KIRREL3: variants seen among roughly 807,000 people sequenced by gnomAD.
KIRREL3 encodes kin of IRRE-like protein 3.
KIRREL3 carries 36 observed loss-of-function variants against 89.7 expected under a neutral mutation model. The ratio of observed to expected loss-of-function variants is 0.40; its 90% CI spans 0.31 to 0.53. KIRREL3 has a LOEUF of 0.53. Ranked by LOEUF, KIRREL3 falls within the 20% of genes least tolerant of loss-of-function variation. KIRREL3 has a pLI of 0.49. For missense variants in KIRREL3, 864 were observed against 1,056.6 expected, an observed-to-expected ratio of 0.82 and a Z score of 2.53; for synonymous variants, 445 against 441.4, an observed-to-expected ratio of 1.01 and a Z score of -0.10.
rs1216179822 is a variant in KIRREL3, at chr11:126,905,177, T to C, written c.55+95278A>G. ...AGAGGAGGAACGGGGCTTGATTCCA[T>C]GGCTTCCCTACTTGAAGGCAGGGCT... On this transcript the variant is annotated intron_variant, in intron 1 of 16. Transcript: ENST00000525144. The surrounding 1 kb of genome is among the most constrained non-coding windows in gnomAD (Gnocchi z 5.0). Among the ~76,000 whole-genome samples, 1 of 152,148 alleles carries C rather than the reference T, an allele frequency of 6.6e-6. No homozygotes were observed. Among genetic ancestry groups the C allele is most frequent in the Non-Finnish European group, 1.5e-5 (1 of 68,028 alleles).
chr11:126,822,542 T>C (rs980098026), intron 1 of KIRREL3, among the ~76,000 whole-genome samples: 11 of 152,246 alleles, frequency 7.2e-5, no homozygotes, highest in Non-Finnish European at 1.0e-4. Context: ...GCAACTCATA[T>C]AGTATTGAGG....
At chr11:126,806,347 G>A (rs1385006462) in intron 1 of KIRREL3, among the ~76,000 whole-genome samples, 2 of 152,142 alleles carry the variant, frequency 1.3e-5, no homozygotes, top group Non-Finnish European at 2.9e-5. Flanking sequence ...TAGCCTTGGG[G>A]CCCTGGGCTA....
At position 126,656,153 on chromosome 11, in the gene KIRREL3, C is replaced by T; in HGVS notation, c.56-93241G>A. ...TCGGGAACCAGCAACACAGATGTTC[C>T]CAGGAGCAATGTTTGCAGGTGAGTG... On this transcript the variant is annotated intron_variant, in intron 1 of 16. Coordinates refer to ENST00000525144, the MANE Select transcript of KIRREL3 (RefSeq NM_032531.4). The surrounding 1 kb of genome is among the most constrained non-coding windows in gnomAD (Gnocchi z 4.0). The T allele has an allele frequency of 2.2e-6, 1 of 456,048 alleles. No homozygotes were observed. The highest frequency in any genetic ancestry group is 7.0e-5 in the East Asian group (1 of 14,384). 28.3% of individuals were successfully genotyped at this position (456,048 alleles called of 1,614,324 possible).
In KIRREL3 at chr11:126,471,351, C is replaced by G. The variant is rs1165238526; in HGVS notation, c.591+1958G>C. Among the ~76,000 whole-genome samples, 4 of 149,100 alleles carry G rather than the reference C, an allele frequency of 2.7e-5. No individual in the cohort carries two copies. The highest frequency in any genetic ancestry group is 5.9e-5 in the Non-Finnish European group (4 of 67,348). ...CGCCATTGCACTCCAGTCTGGGCAA[C>G]AAGAGTGAAACTCTGTCTCAAAATA... On this transcript the variant is annotated intron_variant, in intron 5 of 16. Transcript: ENST00000525144. The surrounding 1 kb of genome is among the most constrained non-coding windows in gnomAD (Gnocchi z 5.4).
rs1296877819 is a variant in KIRREL3 at position 126,476,441 on chromosome 11, G to A, written c.434-2975C>T. ...CCTTCCTCCTTGTGGCTGGAGTGTT[G>A]TGTTACTGGAATATCGGATTAGAGG... On this transcript the variant is annotated intron_variant, in intron 4 of 16. Transcript: ENST00000525144. The surrounding 1 kb of genome is among the most constrained non-coding windows in gnomAD (Gnocchi z 6.4). Among the ~76,000 whole-genome samples, 1 of 152,180 alleles carries A rather than the reference G, an allele frequency of 6.6e-6. No individual in the cohort carries two copies. Among genetic ancestry groups the A allele is most frequent in the East Asian group, 1.9e-4 (1 of 5,186 alleles).
Position 126,557,599 on chromosome 11 carries a change from C to T in KIRREL3, c.133+5236G>A, listed in dbSNP as rs953318024. Among the ~76,000 whole-genome samples the T allele has an allele frequency of 6.6e-6, 1 of 152,298 alleles. No homozygotes were observed. The highest frequency in any genetic ancestry group is 2.4e-5 in the African/African-American group (1 of 41,558). ...ACTACACATCCCAGCTGTGGGGCACCTCTCTTTCTATACGAGGAAACAGTA... is the reference window on the plus strand; with the variant it reads ...ACTACACATCCCAGCTGTGGGGCACTTCTCTTTCTATACGAGGAAACAGTA... On this transcript the variant is annotated intron_variant, in intron 2 of 16. Transcript: ENST00000525144. This position sits in a 1 kb window ranked among gnomAD's most constrained non-coding sequence, Gnocchi z 5.6.
chr11:126,791,861 A>T lies in KIRREL3; in HGVS notation c.55+208594T>A, dbSNP rs1298210613. 6.6e-6 allele frequency among the ~76,000 whole-genome samples: 1 copy of T among 152,172 alleles called. No individual in the cohort carries two copies. The highest frequency in any genetic ancestry group is 1.5e-5 in the Non-Finnish European group (1 of 68,032). On this transcript the variant is annotated intron_variant, in intron 1 of 16. Coordinates refer to ENST00000525144, the MANE Select transcript of KIRREL3 (RefSeq NM_032531.4). This position sits in a 1 kb window ranked among gnomAD's most constrained non-coding sequence, Gnocchi z 4.8. ...GTTTCTCAGAGTGTGAGGTATGGGA[A>T]TGTGGATGTAGCATTGATTCACACT...
At chr11:126,467,208 C>A (rs905890504) in intron 5 of KIRREL3, among the ~76,000 whole-genome samples, 1 of 152,238 alleles carries the variant, frequency 6.6e-6, no homozygotes, top group African/African-American at 2.4e-5. Flanking sequence ...TCTCTCTGGA[C>A]GCTGCCTGCT....
intron 1 of KIRREL3, among the ~76,000 whole-genome samples, chr11:126,804,665 T>C (rs1435289848): frequency 6.6e-6 from 1 of 152,256 alleles, no homozygotes; most frequent in Non-Finnish European, 1.5e-5. Flanking sequence ...AAAGGAGCTA[T>C]GAAATATACC....
Position 126,460,809 on chromosome 11 carries a change from G to T in KIRREL3, c.742+2348C>A, listed in dbSNP as rs112821909. 8.6e-4 allele frequency among the ~76,000 whole-genome samples: 131 copies of T among 152,326 alleles called. 1 individual carries two copies. The highest frequency in any genetic ancestry group is 3.4e-3 in the Middle Eastern group (1 of 294). ...TCTCCTGGGGTAATGCCTGGAGCAGGAAACTGCTTCTTCCCACCTCTCCCT... is the reference window on the plus strand; with the variant it reads ...TCTCCTGGGGTAATGCCTGGAGCAGTAAACTGCTTCTTCCCACCTCTCCCT... On this transcript the variant is annotated intron_variant, in intron 6 of 16. Transcript: ENST00000525144.
At chr11:126,460,136 C>T (rs1273275727) in intron 6 of KIRREL3, among the ~76,000 whole-genome samples, 1 of 151,782 alleles carries the variant, frequency 6.6e-6, no homozygotes, top group Admixed American at 6.6e-5. Flanking sequence ...GGGGAGGGAG[C>T]GGGTGGAGAA....
chr11:126,575,410 G>A lies in KIRREL3; in HGVS notation c.56-12498C>T, dbSNP rs1051869006. On this transcript the variant is annotated intron_variant, in intron 1 of 16. Coordinates refer to ENST00000525144, the MANE Select transcript of KIRREL3 (RefSeq NM_032531.4). The surrounding 1 kb of genome is among the most constrained non-coding windows in gnomAD (Gnocchi z 7.0). ...CAATGTGTACAATGGAGAGGTCTTGGGCTGCAATAAGGACTGGAGATAATG... is the reference window on the plus strand; with the variant it reads ...CAATGTGTACAATGGAGAGGTCTTGAGCTGCAATAAGGACTGGAGATAATG... Among the ~76,000 whole-genome samples, 22 of 152,142 alleles carry A rather than the reference G, an allele frequency of 1.4e-4. No homozygotes were observed. The highest frequency in any genetic ancestry group is 5.1e-4 in the African/African-American group (21 of 41,412).
chr11:126,492,510 C>T lies in KIRREL3; in HGVS notation c.434-19044G>A, dbSNP rs899678607. 2.6e-5 allele frequency among the ~76,000 whole-genome samples: 4 copies of T among 152,062 alleles called. No homozygotes were observed. Among genetic ancestry groups the T allele is most frequent in the South Asian group, 2.1e-4 (1 of 4,812 alleles). On this transcript the variant is annotated intron_variant, in intron 4 of 16. Transcript: ENST00000525144. The surrounding 1 kb of genome is among the most constrained non-coding windows in gnomAD (Gnocchi z 4.8). ...GAGAGGTGTTTCTATCTGTAGGGGC[C>T]GAGGGGCTAGGGGAGCATGGGGCTG... is the stretch of plus-strand genomic sequence containing the variant.
rs1047627022 is a variant in KIRREL3, at chr11:126,705,656, G to T, written c.56-142744C>A. 1.3e-5 allele frequency among the ~76,000 whole-genome samples: 2 copies of T among 151,848 alleles called. No individual in the cohort carries two copies. Among genetic ancestry groups the T allele is most frequent in the African/African-American group, 4.9e-5 (2 of 41,182 alleles). On this transcript the variant is annotated intron_variant, in intron 1 of 16. Coordinates refer to ENST00000525144, the MANE Select transcript of KIRREL3 (RefSeq NM_032531.4). The surrounding 1 kb of genome is among the most constrained non-coding windows in gnomAD (Gnocchi z 4.3). ...TAATGTAAGAATGGTCTAACACTAC[G>T]TATGTGCAAGTGTATATGTATATGT...
At chr11:126,456,689 G>A (rs900652119) in intron 6 of KIRREL3, among the ~76,000 whole-genome samples, 1 of 152,134 alleles carries the variant, frequency 6.6e-6, no homozygotes, top group Non-Finnish European at 1.5e-5. Context: ...CACGAACCCC[G>A]AGCCAGGAAG....
At chr11:126,545,233 G>A (rs1198687765) in intron 2 of KIRREL3, among the ~76,000 whole-genome samples, 1 of 152,174 alleles carries the variant, frequency 6.6e-6, no homozygotes, top group African/African-American at 2.4e-5. Context: ...GCCCTATAGG[G>A]AAGAGATTTG....
chr11:126,863,480 TGTGTGAGTGCGTGTGTGA>T lies in KIRREL3; in HGVS notation c.55+136957_55+136974del, dbSNP rs1351454880. On this transcript the variant is annotated intron_variant, in intron 1 of 16. Coordinates refer to ENST00000525144, the MANE Select transcript of KIRREL3 (RefSeq NM_032531.4). ...TTGAGTGCGTGTGTGTGTGAGTGCG[TGTGTGAGTGCGTGTGTGA>T]GTGTGAGTGCGTGTGTGTTTGAGTG... Among the ~76,000 whole-genome samples the T allele has an allele frequency of 2.5e-3, 134 of 54,396 alleles. 2 individuals are homozygous for T. Among genetic ancestry groups the T allele is most frequent in the African/African-American group, 8.0e-3 (99 of 12,426 alleles). 35.7% of individuals were successfully genotyped at this position (54,396 alleles called of 152,430 possible).
chr11:126,698,672 C>G (rs957585812), intron 1 of KIRREL3, among the ~76,000 whole-genome samples: 1 of 152,242 alleles, frequency 6.6e-6, no homozygotes, highest in Admixed American at 6.5e-5. Context: ...AGAAGCCAGC[C>G]GGGAGTGGTG....
chr11:126,933,542 T>C (rs1038262187), intron 1 of KIRREL3, among the ~76,000 whole-genome samples: 18 of 151,442 alleles, frequency 1.2e-4, no homozygotes, highest in African/African-American at 4.4e-4. Context: ...GATTATTTCA[T>C]ATGTAAAAAA....
Sources: gnomAD v4.1 joint callset for allele counts (sites outside exome capture counted in the v4.1 genomes callset) on GRCh38, gnomAD v4.1.1 for gene constraint, Gnocchi (gnomAD v3.1) non-coding constraint, MANE v1.5 for transcripts, NCBI Gene and HGNC (gene_info 2026-07-23, HGNC 2026-07-21) for gene names.